Variants in MSMB observed in about 807,000 individuals in gnomAD.
MSMB encodes the protein beta-microseminoprotein.
MSMB carries 10 observed loss-of-function variants against 10.5 expected under a neutral mutation model. The ratio of observed to expected loss-of-function variants is 0.95; its 90% CI spans 0.59 to 1.62. MSMB has a LOEUF of 1.62. MSMB is among the 40% of genes most tolerant of loss of function. The probability of loss-of-function intolerance (pLI) is 0.00; values close to 1 mark genes in which losing one functional copy is unlikely to be tolerated. For missense variants in MSMB, 126 were observed against 137.4 expected, an observed-to-expected ratio of 0.92 and a Z score of 0.42; for synonymous variants, 43 against 46.5, an observed-to-expected ratio of 0.93 and a Z score of 0.30.
At chr10:46,039,904 G>A in intron 2 of MSMB, 82 bp downstream of exon 2, 2 of 1,061,970 alleles carry the variant, frequency 1.9e-6, no homozygotes, top group East Asian at 4.9e-5. Context: ...CAAACAAACA[G>A]AAACACAAAG....
At position 46,038,969 on chromosome 10, in the gene MSMB, G is replaced by T. The variant is rs1238239495; in HGVS notation, c.212C>A (p.Thr71Asn). The T allele has an allele frequency of 9.3e-6, 15 of 1,613,240 alleles. No individual in the cohort carries two copies. The highest frequency in any genetic ancestry group is 1.3e-5 in the Non-Finnish European group (15 of 1,179,470). ...CCAGCACTGGCTTGAGACTTACAGG[G>T]TGCAACATGAAATTTCTGTTTCGTA... ...TCYETEISCC[T>N]LVSTPVGYDK... Residue 71 changes from threonine (T) to asparagine (N), a missense_variant, in exon 3 of 4, where the codon ACC becomes AAC. Coordinates refer to ENST00000582163, the MANE Select transcript of MSMB (RefSeq NM_002443.4).
chr10:46,041,076 G>T (rs1330876581), intron 1 of MSMB, among the ~76,000 whole-genome samples: 1 of 152,218 alleles, frequency 6.6e-6, no homozygotes, highest in Admixed American at 6.5e-5. Context: ...AGGCGTGGTG[G>T]CTCATGCCTG....
At chr10:46,041,229 C>T (rs782721676) in intron 1 of MSMB, among the ~76,000 whole-genome samples, 1 of 151,568 alleles carries the variant, frequency 6.6e-6, no homozygotes, top group African/African-American at 2.4e-5. Flanking sequence ...CCAGTAATCC[C>T]AGGTACTCGG....
In MSMB at chr10:46,033,539, A is replaced by G. The variant is rs1840512114; in HGVS notation, c.228T>C (p.Pro76=). 2.5e-6 allele frequency: 4 copies of G among 1,613,598 alleles called. No homozygotes were observed. Among genetic ancestry groups the G allele is most frequent in the Non-Finnish European group, 3.4e-6 (4 of 1,179,544 alleles). ...GGCAGTTGTCTTTGTCATAACCCAC[A>G]GGTGTAGAAACACTGTCATTGAGAC... ...EISCCTLVST[P]VGYDKDNCQR... The change falls in exon 4 of 4, where the codon CCT becomes CCC. Residue 76 remains proline, a synonymous_variant. Transcript: ENST00000582163.
At chr10:46,033,921 A>T (rs1449605209) in intron 3 of MSMB, among the ~76,000 whole-genome samples, 2 of 152,162 alleles carry the variant, frequency 1.3e-5, no homozygotes, top group Non-Finnish European at 2.9e-5. Flanking sequence ...CCTGACTTGG[A>T]GGCCTGTTGG....
chr10:46,041,344 C>CAAAAA (rs60728604), intron 1 of MSMB, among the ~76,000 whole-genome samples: 5 of 96,590 alleles, frequency 5.2e-5, no homozygotes, highest in African/African-American at 9.0e-5. Flanking sequence ...GACTCCGTCT[C>CAAAAA]AAAAAAAAAA....
chr10:46,044,706 C>T (rs1193360374), intron 1 of MSMB, among the ~76,000 whole-genome samples: 5 of 151,032 alleles, frequency 3.3e-5, no homozygotes, highest in Admixed American at 2.0e-4. Flanking sequence ...AATCCCAGCA[C>T]TTTGGGAAGC....
chr10:46,034,008 A>G (rs1293644989), intron 3 of MSMB, among the ~76,000 whole-genome samples: 2 of 152,242 alleles, frequency 1.3e-5, no homozygotes, highest in African/African-American at 4.8e-5. Context: ...GAAGCTGATG[A>G]AAGTCAGAGA....
chr10:46,042,496 C>T (rs1840776243), intron 1 of MSMB, among the ~76,000 whole-genome samples: 1 of 152,144 alleles, frequency 6.6e-6, no homozygotes, highest in Non-Finnish European at 1.5e-5. Context: ...TTAAGGAGAA[C>T]AATTTGCTAC....
intron 1 of MSMB, among the ~76,000 whole-genome samples, chr10:46,042,796 C>A (rs1312602081): frequency 6.6e-6 from 1 of 152,132 alleles, no homozygotes; most frequent in African/African-American, 2.4e-5. Flanking sequence ...ATACATGATG[C>A]GGAGAGAGAT....
chr10:46,038,922 A>T (rs781907073), intron 3 of MSMB, 44 bp downstream of exon 3: 3 of 1,540,598 alleles, frequency 1.9e-6, no homozygotes, highest in Non-Finnish European at 2.7e-6. Flanking sequence ...TTCCTCAGAG[A>T]ACAGCTATGT....
At chr10:46,035,407 A>T (rs977762065) in intron 3 of MSMB, among the ~76,000 whole-genome samples, 19 of 152,266 alleles carry the variant, frequency 1.2e-4, no homozygotes, top group Admixed American at 3.3e-4. Flanking sequence ...AAGCAACTCA[A>T]GTGTTCAACA....
intron 3 of MSMB, among the ~76,000 whole-genome samples, chr10:46,034,742 G>A (rs1554927342): frequency 6.6e-6 from 1 of 151,444 alleles, no homozygotes; most frequent in African/African-American, 2.4e-5. Context: ...GGAGAATGGC[G>A]TGAACCCAGG....
chr10:46,035,995 T>C (rs1840593607), intron 3 of MSMB, among the ~76,000 whole-genome samples: 1 of 152,176 alleles, frequency 6.6e-6, no homozygotes, highest in South Asian at 2.1e-4. Context: ...GACTTAGCTC[T>C]ATAGAGGAAA....
intron 2 of MSMB, 24 bp downstream of exon 2, chr10:46,039,962 A>G (rs1298319632): frequency 3.2e-6 from 5 of 1,565,250 alleles, no homozygotes; most frequent in Non-Finnish European, 3.5e-6. Flanking sequence ...ATAACATAAT[A>G]AACATTGAAA....
chr10:46,040,412 A>G lies in MSMB; in HGVS notation c.4-321T>C, dbSNP rs75772076. ...TGGACTGAGCTGCACTGGGCCCAAC[A>G]GACCAAACCAAAATGCAGTCGCCCA... On this transcript the variant is annotated intron_variant, in intron 1 of 3. Transcript: ENST00000582163. Among the ~76,000 whole-genome samples, 525 of 152,320 alleles carry G rather than the reference A, an allele frequency of 3.4e-3. 20 individuals are homozygous for G. The East Asian group carries it at 0.089, about 26-fold the overall frequency.
chr10:46,041,344 C>CAAAAAA (rs60728604), intron 1 of MSMB, among the ~76,000 whole-genome samples: 2 of 96,612 alleles, frequency 2.1e-5, no homozygotes, highest in African/African-American at 6.0e-5. Flanking sequence ...GACTCCGTCT[C>CAAAAAA]AAAAAAAAAA....
intron 3 of MSMB, among the ~76,000 whole-genome samples, chr10:46,037,578 G>T (rs1368763400): frequency 6.6e-6 from 1 of 152,048 alleles, no homozygotes; most frequent in Non-Finnish European, 1.5e-5. Flanking sequence ...ATAGCCTTTG[G>T]GCTGACGTGA....
chr10:46,036,640 C>T (rs1554927565), intron 3 of MSMB, among the ~76,000 whole-genome samples: 2 of 152,198 alleles, frequency 1.3e-5, no homozygotes, highest in Non-Finnish European at 2.9e-5. Context: ...CAGGGTCACA[C>T]AGCTAGTATA....
Sources: gnomAD v4.1 joint callset for allele counts (sites outside exome capture counted in the v4.1 genomes callset) on GRCh38, gnomAD v4.1.1 for gene constraint, MANE v1.5 for transcripts, NCBI Gene and HGNC (gene_info 2026-07-23, HGNC 2026-07-21) for gene names.